Variants in MIB1 observed in about 807,000 individuals in gnomAD.
The protein encoded by MIB1 is E3 ubiquitin-protein ligase MIB1.
In MIB1, 278 loss-of-function variants were observed where a neutral mutation model predicts 124.5. The observed-to-expected ratio is 2.23, with a 90% CI of 2.02 to 2.47. The LOEUF is 2.47. Among genes scored for constraint, MIB1 ranks in the 30% most tolerant of loss-of-function variants. The pLI is 0.00. For synonymous variants in MIB1, 446 were observed against 429.4 expected, an observed-to-expected ratio of 1.04 and a Z score of -0.48; for missense variants, 957 against 1,254.4, an observed-to-expected ratio of 0.76 and a Z score of 3.58.
chr18:21,821,412 A>G (rs2041876777), intron 12 of MIB1, among the ~76,000 whole-genome samples: 1 of 152,066 alleles, frequency 6.6e-6, no homozygotes, highest in Non-Finnish European at 1.5e-5. Flanking sequence ...CCCATCGTCT[A>G]TTCTCCTTTC....
At chr18:21,708,603 G>T (rs1342614824) in intron 1 of MIB1, among the ~76,000 whole-genome samples, 1 of 152,142 alleles carries the variant, frequency 6.6e-6, no homozygotes, top group Non-Finnish European at 1.5e-5. Context: ...ATTCCAGTGA[G>T]CCAAGAGCAT....
chr18:21,765,483 CT>C (rs2041146017), intron 1 of MIB1, among the ~76,000 whole-genome samples: 2 of 152,122 alleles, frequency 1.3e-5, no homozygotes, highest in Admixed American at 1.3e-4. Flanking sequence ...TTCTTTCTTT[CT>C]CTGTGCTGAA....
At chr18:21,853,080 GTTAAGAGTTACTAGATT>G in intron 17 of MIB1, 43 bp from the exon 18 acceptor site, 2 of 1,127,092 alleles carry the variant, frequency 1.8e-6, no homozygotes, top group South Asian at 2.5e-5. Context: ...AATTGAACTT[GTTAAGAGTTACTAGATT>G]TATCTGTAAA....
intron 1 of MIB1, among the ~76,000 whole-genome samples, chr18:21,706,654 C>T (rs1307048626): frequency 6.6e-6 from 1 of 152,188 alleles, no homozygotes; most frequent in Non-Finnish European, 1.5e-5. Context: ...AGGGGCTTAG[C>T]ACCCAGACCA....
intron 9 of MIB1, among the ~76,000 whole-genome samples, chr18:21,801,991 T>C (rs556730621): frequency 1.3e-5 from 2 of 152,296 alleles, no homozygotes; most frequent in Admixed American, 1.3e-4. Context: ...AGGTTTTTAT[T>C]AGCTTCTGAG....
chr18:21,718,221 A>G (rs554665147), intron 1 of MIB1, among the ~76,000 whole-genome samples: 2 of 152,034 alleles, frequency 1.3e-5, no homozygotes, highest in African/African-American at 4.8e-5. Flanking sequence ...GACACAGTGG[A>G]CTTTAGGGAC....
chr18:21,795,965 T>C (rs1042902813), intron 7 of MIB1, among the ~76,000 whole-genome samples: 2 of 152,182 alleles, frequency 1.3e-5, no homozygotes, highest in Admixed American at 6.6e-5. Flanking sequence ...GATGCAGATA[T>C]AATATAGAGG....
rs368594730 is a variant in MIB1, at chr18:21,825,651, C to G, written c.1829+6005C>G. ...ATGTAAATAAGTTGAAATTAGTTGGCAAGTAATTGATATTCACAAATGAAA... is the reference window on the plus strand; with the variant it reads ...ATGTAAATAAGTTGAAATTAGTTGGGAAGTAATTGATATTCACAAATGAAA... On this transcript the variant is annotated intron_variant, in intron 12 of 20. Coordinates refer to ENST00000261537, the MANE Select transcript of MIB1 (RefSeq NM_020774.4). 342 of 511,082 alleles carry G rather than the reference C, an allele frequency of 6.7e-4. 4 individuals carry two copies. Among genetic ancestry groups the G allele is most frequent in the African/African-American group, 6.0e-3 (309 of 51,792 alleles). 31.7% of individuals were successfully genotyped at this position (511,082 alleles called of 1,614,324 possible).
At chr18:21,732,351 TACACACACACACACACACAC>T (rs59731612) in intron 1 of MIB1, among the ~76,000 whole-genome samples, 87 of 141,058 alleles carry the variant, frequency 6.2e-4, no homozygotes, top group Non-Finnish European at 1.1e-3. Context: ...ATTATATGTA[TACACACACACACACACACAC>T]ACACACACAC....
At chr18:21,780,615 GTTCTA>G (rs1223409208) in intron 6 of MIB1, among the ~76,000 whole-genome samples, 3 of 151,970 alleles carry the variant, frequency 2.0e-5, no homozygotes, top group Non-Finnish European at 4.4e-5. Context: ...TGTACCTCCT[GTTCTA>G]TTCTATTTTT....
chr18:21,785,279 G>A (rs1036339181), intron 6 of MIB1, among the ~76,000 whole-genome samples: 1 of 151,756 alleles, frequency 6.6e-6, no homozygotes, highest in African/African-American at 2.4e-5. Flanking sequence ...GGCCGCTACC[G>A]GTCTCCGCGT....
chr18:21,777,914 G>A (rs1466834776), intron 4 of MIB1, among the ~76,000 whole-genome samples, 189 bp from the exon 5 acceptor site: 2 of 152,134 alleles, frequency 1.3e-5, no homozygotes, highest in Non-Finnish European at 2.9e-5. Context: ...AATAAAATAT[G>A]ACCTATCTGA....
intron 1 of MIB1, among the ~76,000 whole-genome samples, chr18:21,720,740 A>G (rs957111407): frequency 2.6e-5 from 4 of 152,176 alleles, no homozygotes; most frequent in African/African-American, 9.7e-5. Flanking sequence ...CTTGAGGCCA[A>G]GAGTTTGAGA....
At chr18:21,814,593 G>A (rs2041807871) in intron 10 of MIB1, among the ~76,000 whole-genome samples, 1 of 151,608 alleles carries the variant, frequency 6.6e-6, no homozygotes, top group Admixed American at 6.6e-5. Context: ...TTTTTATTGA[G>A]AGGCAGTCTT....
Position 21,791,498 on chromosome 18 carries a change from C to T in MIB1, c.1033C>T (p.Leu345=), listed in dbSNP as rs752245385. The T allele has an allele frequency of 3.1e-6, 5 of 1,614,002 alleles. No homozygotes were observed. The East Asian group carries it at 6.7e-5, about 22-fold the overall frequency. Residue 345 remains leucine (L), a synonymous_variant, in exon 7 of 21, where the codon CTG becomes TTG. Coordinates refer to ENST00000261537, the MANE Select transcript of MIB1 (RefSeq NM_020774.4). ...VGDLVQVCYD[L]ERIKLLQRGH... is the part of the protein sequence containing the mutation. The stretch of plus-strand genomic sequence containing the variant: ...TGATCTTGTACAAGTTTGTTATGAC[C>T]TGGAACGAATTAAACTTCTACAAAG...
chr18:21,863,638 G>A (rs1221980814), intron 20 of MIB1, among the ~76,000 whole-genome samples: 2 of 152,080 alleles, frequency 1.3e-5, no homozygotes, highest in African/African-American at 4.8e-5. Flanking sequence ...CACAACATGG[G>A]AGGAGTGGGC....
chr18:21,773,519 G>C, intron 3 of MIB1, 105 bp from the exon 4 acceptor site: 1 of 710,132 alleles, frequency 1.4e-6, no homozygotes, highest in Non-Finnish European at 2.4e-6. Flanking sequence ...CTGTTACACA[G>C]GTTGCTAGAT....
intron 17 of MIB1, among the ~76,000 whole-genome samples, chr18:21,851,128 G>A (rs930057229): frequency 2.0e-5 from 3 of 152,172 alleles, no homozygotes; most frequent in African/African-American, 7.2e-5. Context: ...CAGAAGCAGA[G>A]TCTCAGCTAT....
At chr18:21,803,440 T>A (rs141143722) in intron 9 of MIB1, among the ~76,000 whole-genome samples, 2 of 152,228 alleles carry the variant, frequency 1.3e-5, no homozygotes, top group Non-Finnish European at 2.9e-5. Context: ...TATTTATATA[T>A]CCTTATTTAT....
Sources: gnomAD v4.1 joint callset for allele counts (sites outside exome capture counted in the v4.1 genomes callset) on GRCh38, gnomAD v4.1.1 for gene constraint, MANE v1.5 for transcripts, NCBI Gene and HGNC (gene_info 2026-07-23, HGNC 2026-07-21) for gene names.